The following MAGI2 variants were observed in gnomAD, a reference collection of about 807,000 sequenced individuals.
MAGI2 encodes membrane-associated guanylate kinase, WW and PDZ domain-containing protein 2.
MAGI2 carries 35 observed loss-of-function variants against 133.3 expected under a neutral mutation model. That is an observed-to-expected ratio of 0.26 (90% CI 0.20 to 0.35). The LOEUF (loss-of-function observed/expected upper bound fraction) is 0.35. Among genes scored for constraint, MAGI2 ranks in the 10% least tolerant of loss-of-function variants. The probability of loss-of-function intolerance (pLI) is 1.00; values close to 1 mark genes in which losing one functional copy is unlikely to be tolerated. For missense variants in MAGI2, 1,636 were observed against 1,863.4 expected (o/e 0.88, Z 2.25); for synonymous variants, 729 against 710.6 (o/e 1.03, Z -0.41).
chr7:78,649,253 A>G (rs1775662004), intron 2 of MAGI2, among the ~76,000 whole-genome samples: 1 of 149,440 alleles, frequency 6.7e-6, no homozygotes, highest in East Asian at 2.0e-4. Context: ...AAAGAAAAAA[A>G]GTAATGACAC....
intron 6 of MAGI2, among the ~76,000 whole-genome samples, chr7:78,416,089 G>C (rs1231576431): frequency 6.6e-6 from 1 of 152,140 alleles, no homozygotes; most frequent in Non-Finnish European, 1.5e-5. Context: ...ACTGGCCAAT[G>C]TGTGGTGACA....
intron 1 of MAGI2, among the ~76,000 whole-genome samples, chr7:79,292,610 G>C (rs936847499): frequency 1.3e-5 from 2 of 151,086 alleles, no homozygotes; most frequent in African/African-American, 4.9e-5. Flanking sequence ...TCCAGCCTGG[G>C]TGACAGAGTG....
chr7:78,401,278 C>T (rs933765374), intron 6 of MAGI2, among the ~76,000 whole-genome samples: 3 of 152,146 alleles, frequency 2.0e-5, no homozygotes, highest in Non-Finnish European at 4.4e-5. Flanking sequence ...AGTTGGGAAT[C>T]ATCAATACGC....
intron 1 of MAGI2, among the ~76,000 whole-genome samples, chr7:79,104,128 T>C (rs1195925270): frequency 1.3e-5 from 2 of 152,168 alleles, no homozygotes. Flanking sequence ...ATTTTTTTCA[T>C]AAAGCAAAAC....
At chr7:79,152,068 G>A (rs564426347) in intron 1 of MAGI2, among the ~76,000 whole-genome samples, 2 of 152,222 alleles carry the variant, frequency 1.3e-5, no homozygotes, top group East Asian at 3.9e-4. Flanking sequence ...TTTCTTCTAT[G>A]TAAATAATGG....
intron 2 of MAGI2, among the ~76,000 whole-genome samples, chr7:78,727,239 G>A (rs1030485262): frequency 3.3e-5 from 5 of 152,162 alleles, no homozygotes; most frequent in African/African-American, 9.7e-5. Flanking sequence ...TAAGTTGACC[G>A]ATATTTTGTG....
chr7:78,806,848 A>G (rs1380422907), intron 2 of MAGI2, among the ~76,000 whole-genome samples: 2 of 150,544 alleles, frequency 1.3e-5, no homozygotes, highest in Non-Finnish European at 2.9e-5. Context: ...AGCCTGGGCC[A>G]CGGAGCAACA....
At chr7:79,186,845 G>A (rs1014928277) in intron 1 of MAGI2, among the ~76,000 whole-genome samples, 12 of 144,928 alleles carry the variant, frequency 8.3e-5, no homozygotes, top group Non-Finnish European at 1.6e-4. Flanking sequence ...CAATTGAAAC[G>A]ACTTAATATA....
At chr7:79,136,028 GGAAAGAAAGA>G (rs1821449767) in intron 1 of MAGI2, among the ~76,000 whole-genome samples, 1 of 51,614 alleles carries the variant, frequency 1.9e-5, no homozygotes, top group Admixed American at 2.0e-4. Context: ...AAAGAAAGAA[GGAAAGAAAGA>G]AAGAAAGAAG....
intron 6 of MAGI2, among the ~76,000 whole-genome samples, chr7:78,383,805 T>C (rs1038845445): frequency 1.3e-5 from 2 of 152,108 alleles, no homozygotes. Flanking sequence ...CCAGTTTCAT[T>C]CTTCTGCACA....
intron 1 of MAGI2, among the ~76,000 whole-genome samples, chr7:79,165,617 T>G (rs73145386): frequency 2.0e-5 from 3 of 152,222 alleles, no homozygotes; most frequent in Non-Finnish European, 4.4e-5. Context: ...AGGCCAGATT[T>G]TCACTCTTCC....
At chr7:79,069,360 T>C (rs543983272) in intron 1 of MAGI2, among the ~76,000 whole-genome samples, 3 of 152,238 alleles carry the variant, frequency 2.0e-5, no homozygotes, top group Non-Finnish European at 4.4e-5. Flanking sequence ...ATAATTCCCT[T>C]CTTTGTCTCT....
At chr7:78,450,171 C>T (rs1788574493) in intron 6 of MAGI2, among the ~76,000 whole-genome samples, 1 of 151,774 alleles carries the variant, frequency 6.6e-6, no homozygotes, top group Non-Finnish European at 1.5e-5. Flanking sequence ...CCCATGTTAT[C>T]AAATCATACT....
At chr7:79,257,382 A>G (rs1173150752) in intron 1 of MAGI2, among the ~76,000 whole-genome samples, 2 of 152,206 alleles carry the variant, frequency 1.3e-5, no homozygotes, top group Non-Finnish European at 2.9e-5. Flanking sequence ...AAAGCAAAAA[A>G]AAATTGTATT....
intron 3 of MAGI2, among the ~76,000 whole-genome samples, chr7:78,536,940 A>C (rs1225658184): frequency 6.6e-6 from 1 of 151,934 alleles, no homozygotes; most frequent in Non-Finnish European, 1.5e-5. Context: ...CCCAATGTGT[A>C]GTCTTTTATC....
intron 9 of MAGI2, among the ~76,000 whole-genome samples, chr7:78,295,559 G>A (rs190917947): frequency 2.6e-5 from 4 of 152,064 alleles, no homozygotes; most frequent in Non-Finnish European, 4.4e-5. Flanking sequence ...TCTTCACTTG[G>A]CTTCCAGAAT....
intron 21 of MAGI2, among the ~76,000 whole-genome samples, chr7:78,036,747 G>C (rs1810271469): frequency 2.6e-5 from 4 of 152,106 alleles, no homozygotes; most frequent in Non-Finnish European, 5.9e-5. Context: ...CTCCTGAATA[G>C]CTGGGACCAC....
intron 1 of MAGI2, among the ~76,000 whole-genome samples, chr7:79,226,459 A>G (rs185585256): frequency 6.6e-6 from 1 of 152,304 alleles, no homozygotes; most frequent in Admixed American, 6.5e-5. Flanking sequence ...CTGATAAATT[A>G]TAAGACCCAT....
intron 3 of MAGI2, among the ~76,000 whole-genome samples, chr7:78,573,263 A>T (rs74219156): frequency 0.017 from 262 of 15,620 alleles, 7 homozygotes; most frequent in South Asian, 0.031. Flanking sequence ...TATAAATATA[A>T]ATATATATAA....
Sources: allele counts gnomAD v4.1 joint callset (sites outside exome capture counted in the v4.1 genomes callset), GRCh38; gene constraint gnomAD v4.1.1; transcripts MANE v1.5; gene names NCBI Gene and HGNC (gene_info 2026-07-23, HGNC 2026-07-21).